ABHD14A: variants seen among roughly 807,000 people sequenced by gnomAD.
The protein encoded by ABHD14A is abhydrolase domain containing 14A, also known as protein ABHD14A.
In ABHD14A, 19 loss-of-function variants were observed where a neutral mutation model predicts 27.0. The ratio of observed to expected loss-of-function variants is 0.70; its 90% CI spans 0.49 to 1.03. ABHD14A has a LOEUF of 1.03. ABHD14A is among the 50% of genes least tolerant of loss of function. The probability of loss-of-function intolerance (pLI) is 0.00; values close to 1 mark genes in which losing one functional copy is unlikely to be tolerated. For synonymous variants in ABHD14A, 148 were observed against 158.8 expected (o/e 0.93, Z 0.51); for missense variants, 311 against 344.6 (o/e 0.90, Z 0.77).
At position 51,980,636 on chromosome 3, in the gene ABHD14A, G is replaced by GAGA; in HGVS notation, c.633+11_633+13dup. 2 of 1,611,268 alleles carry GAGA rather than the reference G, an allele frequency of 1.2e-6. No homozygotes were observed. The highest frequency in any genetic ancestry group is 1.7e-6 in the Non-Finnish European group (2 of 1,178,176). On this transcript the variant is annotated intron_variant, in intron 4 of 4. Coordinates refer to ENST00000273596, the MANE Select transcript of ABHD14A (RefSeq NM_015407.5). Reference sequence around the variant, plus strand: ...CAATTCTGGGCTGTGAAGGTACTGGGAGAAGGATCTCAAAGGTCCTGGCAC... The same window carrying GAGA: ...CAATTCTGGGCTGTGAAGGTACTGGGAGAAGAAGGATCTCAAAGGTCCTGGCAC...
At position 51,980,584 on chromosome 3, in the gene ABHD14A, A is replaced by G; in HGVS notation, c.589A>G (p.Thr197Ala). ...ACATGGATTTGTGCCCATCGCACCCACCTCCACCCAGAACTACACCCAGGA... is the reference window on the plus strand; with the variant it reads ...ACATGGATTTGTGCCCATCGCACCCGCCTCCACCCAGAACTACACCCAGGA... ...QLHGFVPIAPTSTQNYTQEQF... is the reference protein window; with the variant it reads ...QLHGFVPIAPASTQNYTQEQF... The change falls in exon 4 of 5, where the codon ACC (threonine) becomes GCC (alanine). Residue 197 changes from threonine (T) to alanine (A), a missense_variant. Transcript: ENST00000273596. 6.2e-7 allele frequency: 1 copy of G among 1,604,382 alleles called. No individual in the cohort carries two copies. Among genetic ancestry groups the G allele is most frequent in the Non-Finnish European group, 8.5e-7 (1 of 1,175,890 alleles).
At chr3:51,975,651 T>G (rs957251530) in intron 1 of ABHD14A, among the ~76,000 whole-genome samples, 2 of 151,970 alleles carry the variant, frequency 1.3e-5, no homozygotes, top group African/African-American at 4.8e-5. Flanking sequence ...GTCTTACGGT[T>G]GTGTGTATGA....
At chr3:51,978,428 A>G (rs1559775306) in intron 3 of ABHD14A, 54 bp downstream of exon 3, 1 of 1,420,514 alleles carries the variant, frequency 7.0e-7, no homozygotes, top group Non-Finnish European at 9.7e-7. Context: ...CTGGGAGGCA[A>G]CTGGACCCTA....
chr3:51,977,230 A>G (rs1174696032), intron 1 of ABHD14A, among the ~76,000 whole-genome samples: 1 of 152,170 alleles, frequency 6.6e-6, no homozygotes, highest in African/African-American at 2.4e-5. Flanking sequence ...TAAAAGAACC[A>G]TTTCCAAACA....
chr3:51,977,296 T>TC, intron 1 of ABHD14A, among the ~76,000 whole-genome samples: 1 of 152,288 alleles, frequency 6.6e-6, no homozygotes, highest in East Asian at 1.9e-4. Flanking sequence ...ATAGCCCTCA[T>TC]CACTTTTTCC....
chr3:51,976,598 C>G (rs933793619), intron 1 of ABHD14A, among the ~76,000 whole-genome samples: 3 of 152,152 alleles, frequency 2.0e-5, no homozygotes, highest in Admixed American at 1.3e-4. Flanking sequence ...TTGCTTGAAC[C>G]CGGGAGGCGG....
intron 3 of ABHD14A, chr3:51,978,597 A>G (rs62259754): frequency 0.046 from 13,673 of 300,412 alleles, 499 homozygotes; most frequent in Non-Finnish European, 0.066. Flanking sequence ...TATTTTATTT[A>G]TATATATTTT....
At position 51,980,930 on chromosome 3, in the gene ABHD14A, A is replaced by AGT. The variant is rs777969146; in HGVS notation, c.729_730insTG (p.Leu244CysfsTer?). 6.2e-7 allele frequency: 1 copy of AGT among 1,614,172 alleles called. No homozygotes were observed. Among genetic ancestry groups the AGT allele is most frequent in the East Asian group, 2.2e-5 (1 of 44,886 alleles). The stretch of plus-strand genomic sequence containing the variant: ...CACCTGCCCAACCACTCTGTGGTGA[A>AGT]GCTACGCAATGCAGGCCATGCCTGT... On this transcript the variant is annotated frameshift_variant, in exon 5 of 5. Coordinates refer to ENST00000273596, the MANE Select transcript of ABHD14A (RefSeq NM_015407.5). LOFTEE classifies it high-confidence loss of function.
In ABHD14A at chr3:51,980,652, G is replaced by A. The variant is rs763791077; in HGVS notation, c.633+24G>A. 5.6e-6 allele frequency: 9 copies of A among 1,605,312 alleles called. No homozygotes were observed. In the Admixed American group the frequency reaches 1.3e-4, roughly 24 times the overall value. ...AGGTACTGGGAGAAGGATCTCAAAG[G>A]TCCTGGCACCCTGTCTGTGGCTTGG... is the stretch of plus-strand genomic sequence containing the variant. On this transcript the variant is annotated intron_variant, in intron 4 of 4. Coordinates refer to ENST00000273596, the MANE Select transcript of ABHD14A (RefSeq NM_015407.5).
At chr3:51,975,450 A>AT (rs1203517690) in intron 1 of ABHD14A, among the ~76,000 whole-genome samples, 13 of 83,968 alleles carry the variant, frequency 1.5e-4, no homozygotes, top group African/African-American at 7.1e-4. Flanking sequence ...GCGCGCTTAT[A>AT]TTTTTGGGGG....
intron 1 of ABHD14A, among the ~76,000 whole-genome samples, chr3:51,976,938 A>G (rs1700799514): frequency 6.6e-6 from 1 of 152,022 alleles, no homozygotes; most frequent in Admixed American, 6.6e-5. Context: ...GGTGGCAGAG[A>G]CCCCAGATTG....
chr3:51,980,459 G>A lies in ABHD14A; in HGVS notation c.464G>A (p.Arg155Gln), dbSNP rs775701718. Residue 155 changes from arginine (R) to glutamine (Q), a missense_variant, in exon 4 of 5, where the codon CGG becomes CAG. Transcript: ENST00000273596. ...GCAGGGCGGGCAGCGCTGCTGGAGC[G>A]GGCGCTGCGGGACCTGGAGGTACAG... Reference protein sequence around the residue: ...TEAGRAALLERALRDLEVQNA... With the variant: ...TEAGRAALLEQALRDLEVQNA... 1.5e-5 allele frequency: 25 copies of A among 1,613,454 alleles called. No homozygotes were observed. The highest frequency in any genetic ancestry group is 6.7e-5 in the African/African-American group (5 of 74,940).
rs938745199 is a variant in ABHD14A at position 51,979,665 on chromosome 3, A to G, written c.398-728A>G. ...ATGCCTGGCTAATTTTTGTATTTTT[A>G]GTAGAGACAGGGTTTCACCATGTTG... On this transcript the variant is annotated intron_variant, in intron 3 of 4. Transcript: ENST00000273596. Among the ~76,000 whole-genome samples, 5 of 150,772 alleles carry G rather than the reference A, an allele frequency of 3.3e-5. No individual in the cohort carries two copies. In the South Asian group the frequency reaches 1.0e-3, roughly 32 times the overall value.
At chr3:51,976,984 G>A (rs1446125967) in intron 1 of ABHD14A, among the ~76,000 whole-genome samples, 1 of 152,174 alleles carries the variant, frequency 6.6e-6, no homozygotes, top group Non-Finnish European at 1.5e-5. Context: ...GCCAGAAGCT[G>A]TCTGTGTGTA....
chr3:51,980,368 AG>A (rs1460677129), intron 3 of ABHD14A, 24 bp from the exon 4 acceptor site: 1 of 1,611,478 alleles, frequency 6.2e-7, no homozygotes, highest in African/African-American at 1.3e-5. Flanking sequence ...AGTGCCCCTC[AG>A]CTGGTACCTG....
chr3:51,980,938 A>G lies in ABHD14A; in HGVS notation c.736A>G (p.Asn246Asp). The part of the protein sequence containing the change: ...LPNHSVVKLR[N>D]AGHACYLHKP... ...CAACCACTCTGTGGTGAAGCTACGC[A>G]ATGCAGGCCATGCCTGTTACCTCCA... is the stretch of plus-strand genomic sequence containing the variant. The change falls in exon 5 of 5, where the codon AAT becomes GAT. Residue 246 changes from asparagine to aspartate, a missense_variant. Physicochemically the swap from Asn to Asp is conservative, Grantham distance 23. Coordinates refer to ENST00000273596, the MANE Select transcript of ABHD14A (RefSeq NM_015407.5). 6.2e-7 allele frequency: 1 copy of G among 1,614,138 alleles called. No individual in the cohort carries two copies. The highest frequency in any genetic ancestry group is 8.5e-7 in the Non-Finnish European group (1 of 1,180,014).
In ABHD14A at chr3:51,975,219, G is replaced by T. The variant is rs949901968; in HGVS notation, c.69+15G>T. 4 of 1,252,174 alleles carry T rather than the reference G, an allele frequency of 3.2e-6. No individual in the cohort carries two copies. Among genetic ancestry groups the T allele is most frequent in the Non-Finnish European group, 4.0e-6 (4 of 997,992 alleles). 77.6% of individuals were successfully genotyped at this position (1,252,174 alleles called of 1,614,324 possible). ...CGTTGGGCCCGGTGAGTCTCCCGGG[G>T]GAGGGAGGCCGGCCGGTGGCCCAGG... On this transcript the variant is annotated intron_variant, in intron 1 of 4. Coordinates refer to ENST00000273596, the MANE Select transcript of ABHD14A (RefSeq NM_015407.5).
At chr3:51,977,804 G>C in intron 1 of ABHD14A, 67 bp from the exon 2 acceptor site, 3 of 1,447,652 alleles carry the variant, frequency 2.1e-6, no homozygotes, top group Non-Finnish European at 2.9e-6. Context: ...TGGGGTTTTG[G>C]GATGGGATCC....
In ABHD14A at chr3:51,978,038, G is replaced by C. The variant is rs201635694; in HGVS notation, c.237G>C (p.Ser79=). 6.2e-7 allele frequency: 1 copy of C among 1,614,024 alleles called. No homozygotes were observed. The highest frequency in any genetic ancestry group is 1.3e-5 in the African/African-American group (1 of 75,048). The change falls in exon 2 of 5, where the codon TCG becomes TCC. Residue 79 remains serine, a synonymous_variant. Coordinates refer to ENST00000273596, the MANE Select transcript of ABHD14A (RefSeq NM_015407.5). ...TVLAGLTPGN[S]PIFYREVLPL... is the part of the protein sequence containing the mutation. Reference sequence around the variant, plus strand: ...TGGCTGGTCTCACCCCTGGCAACTCGCCCATCTTTTACCGCGAGGTGCTCC... The same window carrying C: ...TGGCTGGTCTCACCCCTGGCAACTCCCCCATCTTTTACCGCGAGGTGCTCC...
Sources: gnomAD v4.1 joint callset for allele counts (sites outside exome capture counted in the v4.1 genomes callset) on GRCh38, gnomAD v4.1.1 for gene constraint, MANE v1.5 for transcripts, NCBI Gene and HGNC (gene_info 2026-07-23, HGNC 2026-07-21) for gene names.